Variants in LSR observed in about 807,000 individuals in gnomAD.
The protein encoded by LSR is lipolysis stimulated lipoprotein receptor, also known as lipolysis-stimulated lipoprotein receptor.
A neutral mutation model predicts 61.8 loss-of-function variants in LSR; 44 were observed. The ratio of observed to expected loss-of-function variants is 0.71; its 90% confidence interval spans 0.56 to 0.91. LSR has a LOEUF of 0.91. Among genes scored for constraint, LSR ranks in the 40% least tolerant of loss-of-function variants. The pLI is 0.00. For missense variants in LSR, 911 were observed against 830.5 expected, an observed-to-expected ratio of 1.10 and a Z score of -1.19; for synonymous variants, 397 against 350.6, an observed-to-expected ratio of 1.13 and a Z score of -1.48.
At chr19:35,256,422 T>G (rs569260299) in intron 2 of LSR, among the ~76,000 whole-genome samples, 2 of 152,342 alleles carry the variant, frequency 1.3e-5, no homozygotes, top group African/African-American at 2.4e-5. Flanking sequence ...TGGCATGGTT[T>G]TATTTTTTTG....
At chr19:35,255,744 AC>A (rs141196291) in intron 2 of LSR, among the ~76,000 whole-genome samples, 6 of 152,108 alleles carry the variant, frequency 3.9e-5, no homozygotes, top group Non-Finnish European at 7.4e-5. Context: ...CCCCCACTCC[AC>A]GCCTGGCACT....
intron 1 of LSR, 96 bp downstream of exon 1, chr19:35,249,227 G>C (rs916105621): frequency 7.0e-7 from 1 of 1,432,892 alleles, no homozygotes; most frequent in Admixed American, 2.8e-5. Context: ...GGAAGCGGGG[G>C]TCTCAGAGGC....
At position 35,266,466 on chromosome 19, in the gene LSR, C is replaced by T; in HGVS notation, c.886C>T (p.Pro296Ser). The change falls in exon 6 of 10, where the codon CCC becomes TCC. Residue 296 changes from proline (P) to serine (S), a missense_variant. Transcript: ENST00000605618. ...GACCCCACCCCCACCAGCTATGATT[C>T]CCATGGGCCCTGCCTACAACGGGTA... ...AKTPPPPAMI[P>S]MGPAYNGYPG... 3 of 1,613,084 alleles carry T rather than the reference C, an allele frequency of 1.9e-6. No homozygotes were observed. Among genetic ancestry groups the T allele is most frequent in the Non-Finnish European group, 2.5e-6 (3 of 1,179,404 alleles).
intron 3 of LSR, among the ~76,000 whole-genome samples, chr19:35,259,606 C>G (rs1024973704): frequency 6.6e-6 from 1 of 151,862 alleles, no homozygotes; most frequent in Non-Finnish European, 1.5e-5. Flanking sequence ...CCACTGCACT[C>G]CAGCCTGGGC....
intron 2 of LSR, among the ~76,000 whole-genome samples, chr19:35,258,455 C>CAA (rs55838205): frequency 3.9e-4 from 47 of 120,978 alleles, no homozygotes; most frequent in Non-Finnish European, 5.6e-4. Context: ...CCGATTCAAA[C>CAA]AAAAAAAAAA....
At position 35,267,258 on chromosome 19, in the gene LSR, G is replaced by A. The variant is rs561306998; in HGVS notation, c.1294G>A (p.Ala432Thr). The A allele has an allele frequency of 2.0e-6, 3 of 1,530,092 alleles. No individual in the cohort carries two copies. In the Admixed American group the frequency reaches 6.2e-5, roughly 32 times the overall value. The allele number at this position is 1,530,092 out of a possible 1,614,324, so 94.8% of individuals were successfully genotyped here. A position where few individuals can be genotyped will look rare whatever the true frequency, so the allele number is the denominator to read the frequency against. Reference sequence around the variant, plus strand: ...GGACCAGGAGCCCGCCAGGGAGCAGGCAGGCGGGGGCTGGCGGGCCAGGCG... The same window carrying A: ...GGACCAGGAGCCCGCCAGGGAGCAGACAGGCGGGGGCTGGCGGGCCAGGCG... ...GWDQEPAREQ[A>T]GGGWRARRPR... The change falls in exon 9 of 10, where the codon GCA becomes ACA. Residue 432 changes from alanine to threonine, a missense_variant. By Grantham distance (58) the Ala-to-Thr change is moderately conservative (BLOSUM62 0). Coordinates refer to ENST00000605618, the MANE Select transcript of LSR (RefSeq NM_205834.4).
chr19:35,262,796 G>A (rs2065947959), intron 5 of LSR, 104 bp downstream of exon 5: 1 of 1,443,216 alleles, frequency 6.9e-7, no homozygotes, highest in Non-Finnish European at 9.3e-7. Flanking sequence ...TGGTCTGGAG[G>A]GTGTGAATTT....
At chr19:35,259,611 C>T (rs1392197096) in intron 3 of LSR, among the ~76,000 whole-genome samples, 1 of 151,504 alleles carries the variant, frequency 6.6e-6, no homozygotes, top group Non-Finnish European at 1.5e-5. Context: ...GCACTCCAGC[C>T]TGGGCGACAG....
In LSR at chr19:35,267,339, G is replaced by A. The variant is rs546886615; in HGVS notation, c.1375G>A (p.Glu459Lys). ...CGACCTCACCCCGCCGAGCACCGCC[G>A]AGTCAGGGAGCAGGTCTCCCACGAG... ...LDDLTPPSTA[E>K]SGSRSPTSNG... The change falls in exon 9 of 10, where the codon GAG becomes AAG. Residue 459 changes from glutamate (E) to lysine (K), a missense_variant. Physicochemically the swap from Glu to Lys is moderately conservative, Grantham distance 56. Transcript: ENST00000605618. The A allele has an allele frequency of 2.2e-5, 34 of 1,573,516 alleles. No homozygotes were observed. In the African/African-American group the frequency reaches 2.6e-4, roughly 12 times the overall value.
At chr19:35,261,004 C>T (rs866917209) in intron 3 of LSR, among the ~76,000 whole-genome samples, 1 of 152,190 alleles carries the variant, frequency 6.6e-6, no homozygotes, top group Non-Finnish European at 1.5e-5. Context: ...GACAGGACCA[C>T]GCTTTGAGAG....
rs1250196834 is a variant in LSR at position 35,250,378 on chromosome 19, C to A, written c.173C>A (p.Pro58His). 6.2e-7 allele frequency: 1 copy of A among 1,600,954 alleles called. No individual in the cohort carries two copies. The highest frequency in any genetic ancestry group is 8.5e-7 in the Non-Finnish European group (1 of 1,170,962). The part of the protein sequence containing the change: ...NPYHVVILFQ[P>H]VTLPCTYQMT... The stretch of plus-strand genomic sequence containing the variant: ...TACCACGTGGTGATCCTCTTCCAGC[C>A]TGTGACCCTGCCCTGTACCTACCAG... The change falls in exon 2 of 10, where the codon CCT (proline) becomes CAT (histidine). Residue 58 changes from proline to histidine, a missense_variant. By Grantham distance (77) the Pro-to-His change is moderately conservative. Coordinates refer to ENST00000605618, the MANE Select transcript of LSR (RefSeq NM_205834.4).
At position 35,251,290 on chromosome 19, in the gene LSR, C is replaced by T. The variant is rs371890680; in HGVS notation, c.454+631C>T. The T allele has an allele frequency of 2.0e-5, 3 of 152,262 alleles. No individual in the cohort carries two copies. In the East Asian group the frequency reaches 5.8e-4, roughly 29 times the overall value. 9.4% of individuals were successfully genotyped at this position (152,262 alleles called of 1,614,324 possible). A position where few individuals can be genotyped will look rare whatever the true frequency, so the allele number is the denominator to read the frequency against. On this transcript the variant is annotated intron_variant, in intron 2 of 9. Coordinates refer to ENST00000605618, the MANE Select transcript of LSR (RefSeq NM_205834.4). ...ACAAACACGACACACACTCTCAAGTCCTTGAAGATAAAGAAAACTGGGTAA... is the reference window on the plus strand; with the variant it reads ...ACAAACACGACACACACTCTCAAGTTCTTGAAGATAAAGAAAACTGGGTAA...
chr19:35,250,700 G>GGGT (rs755560556), intron 2 of LSR, 41 bp downstream of exon 2: 2 of 1,461,758 alleles, frequency 1.4e-6, no homozygotes, highest in Non-Finnish European at 1.8e-6. Context: ...GGGCTTGCCC[G>GGGT]GGTGGTGGGA....
At chr19:35,249,167 C>T (rs981312758) in intron 1 of LSR, 36 bp downstream of exon 1, 12 of 1,514,232 alleles carry the variant, frequency 7.9e-6, no homozygotes, top group Non-Finnish European at 9.7e-6. Context: ...TGCGGAACGC[C>T]GGAGGGAACT....
chr19:35,267,882 T>C lies in LSR; in HGVS notation c.*23T>C, dbSNP rs1198695711. On this transcript the variant is annotated 3_prime_UTR_variant, in exon 10 of 10. Transcript: ENST00000605618. Reference sequence around the variant, plus strand: ...TGATCTGACGTTTTCTACGTAGCTTTTGTATTTTTTTTTTTAATTTGAAGG... The same window carrying C: ...TGATCTGACGTTTTCTACGTAGCTTCTGTATTTTTTTTTTTAATTTGAAGG... The C allele has an allele frequency of 1.2e-6, 2 of 1,612,854 alleles. No homozygotes were observed. The highest frequency in any genetic ancestry group is 1.7e-6 in the Non-Finnish European group (2 of 1,179,496).
intron 5 of LSR, among the ~76,000 whole-genome samples, chr19:35,263,408 C>A (rs2065956666): frequency 6.6e-6 from 1 of 152,142 alleles, no homozygotes; most frequent in African/African-American, 2.4e-5. Context: ...GTCATCCAGG[C>A]AGTGCAGTGC....
Position 35,266,396 on chromosome 19 carries a change from C to T in LSR, c.816C>T (p.Pro272=), listed in dbSNP as rs1170455184. 6.2e-7 allele frequency: 1 copy of T among 1,602,200 alleles called. No individual in the cohort carries two copies. Among genetic ancestry groups the T allele is most frequent in the South Asian group, 1.1e-5 (1 of 89,568 alleles). ...AAGKAATSGV[P]SIYAPSTYAH... ...GCAAAGCAGCCACCTCAGGTGTTCC[C>T]AGCATTTATGCCCCCAGCACCTATG... The change falls in exon 6 of 10, where the codon CCC becomes CCT. Residue 272 remains proline, a synonymous_variant. Coordinates refer to ENST00000605618, the MANE Select transcript of LSR (RefSeq NM_205834.4).
chr19:35,262,826 G>T, intron 5 of LSR, 134 bp downstream of exon 5: 1 of 1,000,658 alleles, frequency 1.0e-6, no homozygotes, highest in South Asian at 1.7e-5. Context: ...GGAGAAAGTA[G>T]GCTGAGGAGG....
At chr19:35,251,979 C>T (rs1019386729) in intron 2 of LSR, among the ~76,000 whole-genome samples, 3 of 149,246 alleles carry the variant, frequency 2.0e-5, no homozygotes, top group Non-Finnish European at 4.5e-5. Context: ...GGACTACAGG[C>T]GCCCGCCACT....
Sources: allele counts gnomAD v4.1 joint callset (sites outside exome capture counted in the v4.1 genomes callset), GRCh38; gene constraint gnomAD v4.1.1; transcripts MANE v1.5; gene names NCBI Gene and HGNC (gene_info 2026-07-23, HGNC 2026-07-21).